ETV6: variants seen among roughly 807,000 people sequenced by gnomAD.
The protein encoded by ETV6 is ETS variant transcription factor 6.
ETV6 carries 16 observed loss-of-function variants against 51.1 expected under a neutral mutation model. The observed-to-expected ratio is 0.31, with a 90% CI of 0.21 to 0.48. The LOEUF (loss-of-function observed/expected upper bound fraction) is 0.48, where lower values mean the gene tolerates loss of function less well. Among genes scored for constraint, ETV6 ranks in the 20% least tolerant of loss-of-function variants. The probability of loss-of-function intolerance (pLI) is 0.99; values close to 1 mark genes in which losing one functional copy is unlikely to be tolerated. For synonymous variants in ETV6, 240 were observed against 224.1 expected (o/e 1.07, Z -0.64); for missense variants, 458 against 594.8 (o/e 0.77, Z 2.39).
chr12:11,712,447 C>A (rs1288557756), intron 1 of ETV6, among the ~76,000 whole-genome samples: 3 of 152,152 alleles, frequency 2.0e-5, no homozygotes, highest in African/African-American at 7.2e-5. Context: ...TCTCAGAGAC[C>A]CATCATCTCG....
chr12:11,662,027 G>T (rs1022105324), intron 1 of ETV6, among the ~76,000 whole-genome samples: 15 of 152,178 alleles, frequency 9.9e-5, no homozygotes, highest in Admixed American at 9.2e-4. Context: ...GCAGGGCAAT[G>T]AGCAAAAGGA....
intron 1 of ETV6, among the ~76,000 whole-genome samples, chr12:11,709,634 G>T (rs1865136950): frequency 6.6e-6 from 1 of 152,224 alleles, no homozygotes; most frequent in Non-Finnish European, 1.5e-5. Context: ...TGTATGATCA[G>T]ATATTCTTCT....
In ETV6 at chr12:11,883,276, C is replaced by CTTCTTCTTTTTTTTTTTTTT. The variant is rs776231778; in HGVS notation, c.1010-1167_1010-1166insCTTCTTTTTTTTTTTTTTTT. On this transcript the variant is annotated intron_variant, in intron 5 of 7. Transcript: ENST00000396373. The stretch of plus-strand genomic sequence containing the variant: ...GGGAAGGTGTACATCATGTCTTCTT[C>CTTCTTCTTTTTTTTTTTTTT]TTTTTTTTTTTTTTTTTTTTTTTTT... 2.5e-4 allele frequency among the ~76,000 whole-genome samples: 20 copies of CTTCTTCTTTTTTTTTTTTTT among 79,116 alleles called. 2 individuals are homozygous for CTTCTTCTTTTTTTTTTTTTT. Among genetic ancestry groups the CTTCTTCTTTTTTTTTTTTTT allele is most frequent in the Non-Finnish European group, 3.5e-4 (16 of 46,106 alleles). The allele number at this position is 79,116 out of a possible 152,430, so 51.9% of individuals were successfully genotyped here. A position where few individuals can be genotyped will look rare whatever the true frequency, so the allele number is the denominator to read the frequency against.
At chr12:11,673,169 C>T (rs568076493) in intron 1 of ETV6, among the ~76,000 whole-genome samples, 1 of 152,214 alleles carries the variant, frequency 6.6e-6, no homozygotes, top group African/African-American at 2.4e-5. Flanking sequence ...CTGCAGTGTT[C>T]TGAGGGTGTG....
intron 1 of ETV6, among the ~76,000 whole-genome samples, chr12:11,703,871 A>G (rs960509725): frequency 1.8e-4 from 28 of 152,344 alleles, no homozygotes; most frequent in Non-Finnish European, 3.1e-4. Context: ...TGACTGACCA[A>G]CTTTATAAAG....
intron 2 of ETV6, among the ~76,000 whole-genome samples, chr12:11,797,652 C>T (rs1052118822): frequency 6.6e-6 from 1 of 152,132 alleles, no homozygotes; most frequent in African/African-American, 2.4e-5. Flanking sequence ...CAAGCTTCCT[C>T]TTGATAAAGG....
At position 11,828,280 on chromosome 12, in the gene ETV6, A is replaced by G. The variant is rs926910877; in HGVS notation, c.164-10860A>G. 2.0e-5 allele frequency among the ~76,000 whole-genome samples: 3 copies of G among 152,194 alleles called. No individual in the cohort carries two copies. The East Asian group carries it at 5.8e-4, about 29-fold the overall frequency. On this transcript the variant is annotated intron_variant, in intron 2 of 7. Coordinates refer to ENST00000396373, the MANE Select transcript of ETV6 (RefSeq NM_001987.5). ...TTTGCAGTGATTGACCCTAACTACTATGAAGAAAAACTTTCAATATGTTAG... is the reference window on the plus strand; with the variant it reads ...TTTGCAGTGATTGACCCTAACTACTGTGAAGAAAAACTTTCAATATGTTAG...
intron 5 of ETV6, among the ~76,000 whole-genome samples, chr12:11,871,872 T>C (rs905306841): frequency 1.3e-5 from 2 of 152,048 alleles, no homozygotes; most frequent in African/African-American, 4.8e-5. Flanking sequence ...AAAATAAAAC[T>C]GGGGAAAAAA....
intron 2 of ETV6, among the ~76,000 whole-genome samples, chr12:11,792,095 A>G (rs1027949789): frequency 1.3e-5 from 2 of 152,266 alleles, no homozygotes; most frequent in African/African-American, 2.4e-5. Context: ...AGATAAATCA[A>G]TATACACGTG....
chr12:11,873,599 G>A lies in ETV6; in HGVS notation c.1009+3630G>A, dbSNP rs1046897509. 1.9e-5 allele frequency among the ~76,000 whole-genome samples: 2 copies of A among 104,050 alleles called. 1 individual carries two copies. Among genetic ancestry groups the A allele is most frequent in the African/African-American group, 7.5e-5 (2 of 26,700 alleles). 68.3% of individuals were successfully genotyped at this position (104,050 alleles called of 152,430 possible). A position where few individuals can be genotyped will look rare whatever the true frequency, so the allele number is the denominator to read the frequency against. On this transcript the variant is annotated intron_variant, in intron 5 of 7. Transcript: ENST00000396373. ...AGTACTATAGCTGGAGGGTATAGATGGAAATAGTACTCATGAATGTGGATC... is the reference window on the plus strand; with the variant it reads ...AGTACTATAGCTGGAGGGTATAGATAGAAATAGTACTCATGAATGTGGATC...
chr12:11,752,416 C>T, intron 1 of ETV6, 34 bp from the exon 2 acceptor site: 5 of 1,592,964 alleles, frequency 3.1e-6, no homozygotes, highest in South Asian at 2.2e-5. Context: ...TTGTCTCTCT[C>T]CCCCTCCCCT....
At chr12:11,843,538 G>A (rs1946419260) in intron 3 of ETV6, among the ~76,000 whole-genome samples, 1 of 152,140 alleles carries the variant, frequency 6.6e-6, no homozygotes, top group Non-Finnish European at 1.5e-5. Flanking sequence ...CTTCAACACT[G>A]AAACAGTGTT....
At position 11,650,481 on chromosome 12, in the gene ETV6, T is replaced by TAAAAAAAAA. The variant is rs367594605; in HGVS notation, c.33+327_33+335dup. The stretch of plus-strand genomic sequence containing the variant: ...AAAACACCCCCGTAATTAGTGCGCT[T>TAAAAAAAAA]AAAAAAAAAAAAAACAAAAAACAAA... On this transcript the variant is annotated intron_variant, in intron 1 of 7. Coordinates refer to ENST00000396373, the MANE Select transcript of ETV6 (RefSeq NM_001987.5). Among the ~76,000 whole-genome samples, 220 of 43,298 alleles carry TAAAAAAAAA rather than the reference T, an allele frequency of 5.1e-3. 23 individuals carry two copies. Among genetic ancestry groups the TAAAAAAAAA allele is most frequent in the African/African-American group, 0.014 (160 of 11,762 alleles). 28.4% of individuals were successfully genotyped at this position (43,298 alleles called of 152,430 possible).
At position 11,649,829 on chromosome 12, in the gene ETV6, G is replaced by C. The variant is rs946727156; in HGVS notation, c.-299G>C. 6.6e-6 allele frequency: 1 copy of C among 151,456 alleles called. No homozygotes were observed. The highest frequency in any genetic ancestry group is 6.7e-5 in the Admixed American group (1 of 15,024). 9.4% of individuals were successfully genotyped at this position (151,456 alleles called of 1,614,324 possible). On this transcript the variant is annotated 5_prime_UTR_variant, in exon 1 of 8. Transcript: ENST00000396373. ...CGGGGGCGCCGGCTGCGGGTGGGAG[G>C]AGAGACCGGGAGGCCGGCCGGGCTG...
At chr12:11,878,154 AG>A (rs1292848612) in intron 5 of ETV6, among the ~76,000 whole-genome samples, 11 of 152,096 alleles carry the variant, frequency 7.2e-5, no homozygotes, top group Non-Finnish European at 1.6e-4. Context: ...AGCACTGGGG[AG>A]GGGAGGAGCC....
intron 5 of ETV6, among the ~76,000 whole-genome samples, chr12:11,881,811 T>A (rs1171622923): frequency 6.6e-6 from 1 of 152,268 alleles, no homozygotes; most frequent in Non-Finnish European, 1.5e-5. Flanking sequence ...CACTTTTTAC[T>A]GCTTTGCTTA....
rs1565555150 is a variant in ETV6, at chr12:11,859,118, G to GCCTTTTTTTTTTT, written c.463+5557_463+5558insCCTTTTTTTTTTT. Among the ~76,000 whole-genome samples, 2 of 41,794 alleles carry GCCTTTTTTTTTTT rather than the reference G, an allele frequency of 4.8e-5. 1 individual carries two copies. The highest frequency in any genetic ancestry group is 1.4e-4 in the African/African-American group (2 of 14,384). 27.4% of individuals were successfully genotyped at this position (41,794 alleles called of 152,430 possible). On this transcript the variant is annotated intron_variant, in intron 4 of 7. Transcript: ENST00000396373. ...TAAAGAAGATGAGGTATATGAATCT[G>GCCTTTTTTTTTTT]GTTTTTTTTTTTTTTTTTTTTTTTT...
intron 3 of ETV6, among the ~76,000 whole-genome samples, chr12:11,849,967 C>A (rs1946524773): frequency 6.6e-6 from 1 of 152,152 alleles, no homozygotes; most frequent in African/African-American, 2.4e-5. Flanking sequence ...CCTGACGGAG[C>A]CCCTAGTTGC....
intron 1 of ETV6, among the ~76,000 whole-genome samples, chr12:11,715,139 C>T (rs1397665447): frequency 6.6e-5 from 10 of 152,050 alleles, no homozygotes; most frequent in Admixed American, 5.2e-4. Context: ...ACATCAAATT[C>T]GATAGTTCTA....
Sources: allele counts gnomAD v4.1 joint callset (sites outside exome capture counted in the v4.1 genomes callset), GRCh38; gene constraint gnomAD v4.1.1; transcripts MANE v1.5; gene names NCBI Gene and HGNC (gene_info 2026-07-23, HGNC 2026-07-21).